Variants in TLL2 observed in about 807,000 individuals in gnomAD.
TLL2 encodes the protein tolloid-like protein 2.
A neutral mutation model predicts 123.0 loss-of-function variants in TLL2; 106 were observed. The ratio of observed to expected loss-of-function variants is 0.86; its 90% CI spans 0.74 to 1.01. The LOEUF (loss-of-function observed/expected upper bound fraction) is 1.01. Among genes scored for constraint, TLL2 ranks in the 50% least tolerant of loss-of-function variants. TLL2 has a pLI of 0.00. For missense variants in TLL2, 1,332 were observed against 1,336.7 expected (o/e 1.00, Z 0.06); for synonymous variants, 494 against 516.8 (o/e 0.96, Z 0.60).
intron 2 of TLL2, among the ~76,000 whole-genome samples, chr10:96,458,610 A>G (rs1847042052): frequency 7.6e-6 from 1 of 132,386 alleles, no homozygotes; most frequent in African/African-American, 2.6e-5. Context: ...AAAAAAAAAA[A>G]AAAAAAAAAA....
intron 19 of TLL2, among the ~76,000 whole-genome samples, chr10:96,371,457 G>A (rs1234023158): frequency 2.0e-5 from 3 of 152,258 alleles, no homozygotes; most frequent in Non-Finnish European, 4.4e-5. Context: ...AGGGGCCCAG[G>A]CAAACGCTGT....
rs531893611 is a variant in TLL2, at chr10:96,366,361, G to A, written c.*1727C>T. 2 of 152,768 alleles carry A rather than the reference G, an allele frequency of 1.3e-5. No individual in the cohort carries two copies. The highest frequency in any genetic ancestry group is 3.9e-4 in the East Asian group (2 of 5,194). The allele number at this position is 152,768 out of a possible 1,614,324, so 9.5% of individuals were successfully genotyped here. ...AGGAAATGGAGAGCCAGTCCTGCAG[G>A]GCCCACAGTAAAGCGAGGACCAGGG... On this transcript the variant is annotated 3_prime_UTR_variant, in exon 21 of 21. Transcript: ENST00000357947.
Position 96,364,872 on chromosome 10 carries a change from A to G in TLL2, c.*3216T>C, listed in dbSNP as rs1202038123. 2 of 152,350 alleles carry G rather than the reference A, an allele frequency of 1.3e-5. No individual in the cohort carries two copies. The highest frequency in any genetic ancestry group is 4.8e-5 in the African/African-American group (2 of 41,472). The allele number at this position is 152,350 out of a possible 1,614,324, so 9.4% of individuals were successfully genotyped here. A position where few individuals can be genotyped will look rare whatever the true frequency, so the allele number is the denominator to read the frequency against. On this transcript the variant is annotated 3_prime_UTR_variant, in exon 21 of 21. Coordinates refer to ENST00000357947, the MANE Select transcript of TLL2 (RefSeq NM_012465.4). ...AAAGCCAAGGGAACATTTGTTCACA[A>G]ATGGAACGCTAACAATACCAATCTG...
At chr10:96,470,053 C>G (rs1462593040) in intron 2 of TLL2, among the ~76,000 whole-genome samples, 1 of 152,130 alleles carries the variant, frequency 6.6e-6, no homozygotes, top group Non-Finnish European at 1.5e-5. Flanking sequence ...TCCACAGAGA[C>G]CCCAGCAAGC....
rs1449389744 is a variant in TLL2 at position 96,434,699 on chromosome 10, T to C, written c.365-1737A>G. Among the ~76,000 whole-genome samples the C allele has an allele frequency of 2.0e-5, 3 of 152,346 alleles. No individual in the cohort carries two copies. In the East Asian group the frequency reaches 5.8e-4, roughly 29 times the overall value. ...AGTTTTTTCATTTCTCTTGGGTACA[T>C]GCCTGGGGTGGAATTGCTGGGTCAT... On this transcript the variant is annotated intron_variant, in intron 3 of 20. Coordinates refer to ENST00000357947, the MANE Select transcript of TLL2 (RefSeq NM_012465.4).
In TLL2 at chr10:96,393,881, T is replaced by A. The variant is rs143748180; in HGVS notation, c.1726+1306A>T. On this transcript the variant is annotated intron_variant, in intron 13 of 20. Coordinates refer to ENST00000357947, the MANE Select transcript of TLL2 (RefSeq NM_012465.4). ...GAAAAAATAACAGCCCCACCCCTTG[T>A]TTGTCACCTGCCAGCTTTTAAGTGC... 3.3e-3 allele frequency among the ~76,000 whole-genome samples: 499 copies of A among 152,220 alleles called. 4 individuals are homozygous for A. The highest frequency in any genetic ancestry group is 0.011 in the African/African-American group (467 of 41,536).
At position 96,395,326 on chromosome 10, in the gene TLL2, C is replaced by CGTGGG; in HGVS notation, c.1582_1586dup (p.Glu530ProfsTer7). On this transcript the variant is annotated frameshift_variant, in exon 13 of 21. Transcript: ENST00000357947. LOFTEE classifies it high-confidence loss of function. ...AGTGGCCGATCAGGGCACTCTCTTC[C>CGTGGG]GTGGGGCCATCCCGGACTTCCAGGT... 3 of 1,613,288 alleles carry CGTGGG rather than the reference C, an allele frequency of 1.9e-6. No homozygotes were observed. Among genetic ancestry groups the CGTGGG allele is most frequent in the South Asian group, 2.2e-5 (2 of 90,808 alleles).
intron 18 of TLL2, chr10:96,374,109 C>A: frequency 2.7e-6 from 1 of 368,704 alleles, no homozygotes; most frequent in South Asian, 2.8e-5. Context: ...ATTTTGACAG[C>A]TATTAAGCGA....
intron 1 of TLL2, among the ~76,000 whole-genome samples, chr10:96,482,047 G>A (rs1045596781): frequency 2.0e-5 from 3 of 152,142 alleles, no homozygotes; most frequent in Non-Finnish European, 2.9e-5. Context: ...CACGAGGTCA[G>A]GAGATCGAGA....
intron 9 of TLL2, among the ~76,000 whole-genome samples, chr10:96,408,622 G>A (rs61858924): frequency 0.072 from 10,917 of 152,126 alleles, 528 homozygotes; most frequent in Non-Finnish European, 0.11. Context: ...TCTACCCAAG[G>A]CAGACAGGTC....
In TLL2 at chr10:96,386,966, C is replaced by T; in HGVS notation, c.1839G>A (p.Lys613=). 6.2e-7 allele frequency: 1 copy of T among 1,614,178 alleles called. No homozygotes were observed. The highest frequency in any genetic ancestry group is 8.5e-7 in the Non-Finnish European group (1 of 1,180,032). Residue 613 remains lysine (K), a synonymous_variant, in exon 14 of 21, where the codon AAG becomes AAA. Transcript: ENST00000357947. ...CDPGYELAAD[K]KMCEVACGGF... ...TCCCACACCAACCTTCACACATCTT[C>T]TTATCGGCGGCCAGCTCGTAGCCAG...
intron 7 of TLL2, among the ~76,000 whole-genome samples, chr10:96,417,139 G>C (rs540413692): frequency 6.6e-6 from 1 of 152,200 alleles, no homozygotes; most frequent in Non-Finnish European, 1.5e-5. Context: ...CCCCAGATCA[G>C]CATATGTTCC....
intron 5 of TLL2, among the ~76,000 whole-genome samples, chr10:96,424,980 G>T (rs1846665834): frequency 6.8e-6 from 1 of 148,034 alleles, no homozygotes. Flanking sequence ...ATAGTTATCG[G>T]TATAAGAAGT....
intron 18 of TLL2, among the ~76,000 whole-genome samples, chr10:96,375,123 G>A (rs969955586): frequency 7.2e-5 from 11 of 152,132 alleles, no homozygotes; most frequent in Admixed American, 2.0e-4. Context: ...CAGTGACATA[G>A]GGAGCACTGG....
chr10:96,470,509 A>G lies in TLL2; in HGVS notation c.286+9840T>C, dbSNP rs144340202. Among the ~76,000 whole-genome samples, 261 of 152,340 alleles carry G rather than the reference A, an allele frequency of 1.7e-3. 2 individuals carry two copies. The Middle Eastern group carries it at 0.02, about 12-fold the overall frequency. On this transcript the variant is annotated intron_variant, in intron 2 of 20. Transcript: ENST00000357947. ...TGCTGAATAAATAATAGCAGGCAGG[A>G]TGAGGTTTAGCACCCATAAGCCTGC...
chr10:96,467,187 G>A (rs192506336), intron 2 of TLL2, among the ~76,000 whole-genome samples: 9 of 152,216 alleles, frequency 5.9e-5, no homozygotes, highest in African/African-American at 2.2e-4. Context: ...AAAAATTTAG[G>A]GATTTGGGGG....
chr10:96,431,662 A>C (rs968494090), intron 4 of TLL2, among the ~76,000 whole-genome samples: 1 of 152,196 alleles, frequency 6.6e-6, no homozygotes, highest in African/African-American at 2.4e-5. Flanking sequence ...AATGAGACAG[A>C]AAAAAGACTG....
At chr10:96,406,411 C>G (rs4919010) in intron 9 of TLL2, among the ~76,000 whole-genome samples, 62,837 of 151,890 alleles carry the variant, frequency 0.41, 13,553 homozygotes, top group East Asian at 0.7. Context: ...CATCTCCAGC[C>G]CTGACCCAGC....
rs1589441129 is a variant in TLL2, at chr10:96,513,391, G to A, written c.175+120C>T. The A allele has an allele frequency of 1.6e-5, 20 of 1,251,186 alleles. 1 individual carries two copies. In the East Asian group the frequency reaches 4.0e-4, roughly 25 times the overall value. 77.5% of individuals were successfully genotyped at this position (1,251,186 alleles called of 1,614,324 possible). A position where few individuals can be genotyped will look rare whatever the true frequency, so the allele number is the denominator to read the frequency against. ...GGAGGCATTGTCTTCCGGGGGAGCC[G>A]GGGATCTCAGGGGAGGGGAGGGGAG... is the stretch of plus-strand genomic sequence containing the variant. On this transcript the variant is annotated intron_variant, in intron 1 of 20. Transcript: ENST00000357947.
Sources: gnomAD v4.1 joint callset for allele counts (sites outside exome capture counted in the v4.1 genomes callset) on GRCh38, gnomAD v4.1.1 for gene constraint, MANE v1.5 for transcripts, NCBI Gene and HGNC (gene_info 2026-07-23, HGNC 2026-07-21) for gene names.